Variants in CNTNAP2 observed in about 807,000 individuals in gnomAD.
CNTNAP2 encodes contactin associated protein 2, also known as contactin-associated protein-like 2.
A neutral mutation model predicts 155.2 loss-of-function variants in CNTNAP2; 98 were observed. The observed-to-expected ratio is 0.63, with a 90% CI of 0.54 to 0.75. The LOEUF (loss-of-function observed/expected upper bound fraction) is 0.75. CNTNAP2 is among the 30% of genes least tolerant of loss of function. The pLI is 0.00. For missense variants in CNTNAP2, 1,727 were observed against 1,688.1 expected, an observed-to-expected ratio of 1.02 and a Z score of -0.40; for synonymous variants, 651 against 631.2, an observed-to-expected ratio of 1.03 and a Z score of -0.47.
chr7:148,322,677 T>C (rs1797814514), intron 21 of CNTNAP2, among the ~76,000 whole-genome samples: 1 of 152,180 alleles, frequency 6.6e-6, no homozygotes, highest in South Asian at 2.1e-4. Context: ...AATCTGGTTA[T>C]ATATCAGTTT....
chr7:146,343,153 G>C (rs1188287036), intron 1 of CNTNAP2, among the ~76,000 whole-genome samples: 1 of 151,688 alleles, frequency 6.6e-6, no homozygotes, highest in Non-Finnish European at 1.5e-5. Flanking sequence ...TTCTCTAATA[G>C]ATTATTTCTT....
chr7:147,011,251 T>TA (rs2129243734), intron 3 of CNTNAP2, among the ~76,000 whole-genome samples: 1 of 151,590 alleles, frequency 6.6e-6, no homozygotes, highest in East Asian at 2.0e-4. Context: ...CCGTCTCTAC[T>TA]AAAAATACAA....
intron 3 of CNTNAP2, among the ~76,000 whole-genome samples, chr7:146,894,072 C>G (rs1276814717): frequency 6.6e-6 from 1 of 152,174 alleles, no homozygotes; most frequent in Non-Finnish European, 1.5e-5. Flanking sequence ...GCAGAGGTGT[C>G]GAGCCACCTG....
At chr7:146,787,973 A>G (rs1424287882) in intron 2 of CNTNAP2, among the ~76,000 whole-genome samples, 1 of 152,218 alleles carries the variant, frequency 6.6e-6, no homozygotes, top group Non-Finnish European at 1.5e-5. Context: ...TTAGCTAGAC[A>G]CAGAGGGCTG....
intron 1 of CNTNAP2, among the ~76,000 whole-genome samples, chr7:146,322,634 C>CTTTTTTTTTTTT (rs56287346): frequency 0.052 from 3,385 of 64,840 alleles, 549 homozygotes; most frequent in Middle Eastern, 0.11. Context: ...TGTTCATTCT[C>CTTTTTTTTTTTT]TTTTTTTTTT....
chr7:146,313,183 A>G (rs2129091080), intron 1 of CNTNAP2, among the ~76,000 whole-genome samples: 1 of 152,322 alleles, frequency 6.6e-6, no homozygotes, highest in South Asian at 2.1e-4. Context: ...AACAATGTAC[A>G]AGGGTTACCT....
At chr7:147,333,655 T>G (rs1795615287) in intron 9 of CNTNAP2, among the ~76,000 whole-genome samples, 1 of 152,196 alleles carries the variant, frequency 6.6e-6, no homozygotes, top group Admixed American at 6.5e-5. Flanking sequence ...GTTTTCATAT[T>G]TTTAATAATC....
rs992342920 is a variant in CNTNAP2, at chr7:146,677,510, G to C, written c.98-96761G>C. Among the ~76,000 whole-genome samples the C allele has an allele frequency of 4.6e-5, 7 of 152,252 alleles. No homozygotes were observed. In the East Asian group the frequency reaches 9.7e-4, roughly 21 times the overall value. On this transcript the variant is annotated intron_variant, in intron 1 of 23. Coordinates refer to ENST00000361727, the MANE Select transcript of CNTNAP2 (RefSeq NM_014141.6). The stretch of plus-strand genomic sequence containing the variant: ...GGAATGCCCTTGGCTGAGAAGAGGG[G>C]TCTATTCAGATGACTGGGGGCCTTA...
intron 1 of CNTNAP2, among the ~76,000 whole-genome samples, chr7:146,475,653 G>T (rs752542340): frequency 6.6e-6 from 1 of 152,064 alleles, no homozygotes; most frequent in African/African-American, 2.4e-5. Context: ...GAAAATCAGT[G>T]GGAAACAGTT....
chr7:147,412,434 G>A (rs546065455), intron 10 of CNTNAP2, among the ~76,000 whole-genome samples: 1 of 152,196 alleles, frequency 6.6e-6, no homozygotes, highest in Non-Finnish European at 1.5e-5. Flanking sequence ...CATTAGGGGA[G>A]CCATCTCAGG....
intron 1 of CNTNAP2, among the ~76,000 whole-genome samples, chr7:146,761,800 A>G (rs1802106111): frequency 6.7e-6 from 1 of 150,038 alleles, no homozygotes; most frequent in Non-Finnish European, 1.5e-5. Flanking sequence ...TCTCTAGAAG[A>G]CAAGCCTTCT....
At chr7:146,248,721 G>A (rs1341976973) in intron 1 of CNTNAP2, among the ~76,000 whole-genome samples, 1 of 152,150 alleles carries the variant, frequency 6.6e-6, no homozygotes, top group Non-Finnish European at 1.5e-5. Context: ...AGGACCTGAG[G>A]TCGTACGTGG....
chr7:146,876,300 C>G (rs574175862), intron 3 of CNTNAP2, among the ~76,000 whole-genome samples: 1 of 152,140 alleles, frequency 6.6e-6, no homozygotes, highest in Non-Finnish European at 1.5e-5. Context: ...GCTGCCAAGT[C>G]CCCCAGGGCA....
intron 13 of CNTNAP2, among the ~76,000 whole-genome samples, chr7:147,802,987 T>C (rs1346162051): frequency 6.6e-6 from 1 of 151,952 alleles, no homozygotes; most frequent in Non-Finnish European, 1.5e-5. Flanking sequence ...AAATGAAACC[T>C]AATAAACAGA....
intron 13 of CNTNAP2, among the ~76,000 whole-genome samples, chr7:147,759,457 C>T (rs1797266079): frequency 6.6e-6 from 1 of 152,154 alleles, no homozygotes; most frequent in African/African-American, 2.4e-5. Context: ...TGACTTTCTA[C>T]CAAAATCCAT....
At chr7:148,353,222 TC>T (rs901177375) in intron 21 of CNTNAP2, among the ~76,000 whole-genome samples, 1 of 152,082 alleles carries the variant, frequency 6.6e-6, no homozygotes, top group Non-Finnish European at 1.5e-5. Context: ...ACTGAAGTGT[TC>T]CCCCTCAGAA....
intron 1 of CNTNAP2, among the ~76,000 whole-genome samples, chr7:146,154,680 C>T (rs1379908629): frequency 1.3e-5 from 2 of 152,180 alleles, no homozygotes; most frequent in Non-Finnish European, 2.9e-5. Flanking sequence ...GAGCAGGCAA[C>T]TGGCAGAGTA....
intron 1 of CNTNAP2, among the ~76,000 whole-genome samples, chr7:146,238,920 A>C (rs1397967792): frequency 6.6e-6 from 1 of 152,194 alleles, no homozygotes; most frequent in African/African-American, 2.4e-5. Flanking sequence ...GCATGGGGGA[A>C]ACCACGCCCA....
chr7:148,293,757 G>A lies in CNTNAP2; in HGVS notation c.3475+26631G>A, dbSNP rs556859285. Among the ~76,000 whole-genome samples, 30 of 152,066 alleles carry A rather than the reference G, an allele frequency of 2.0e-4. No homozygotes were observed. The East Asian group carries it at 5.0e-3, about 26-fold the overall frequency. Reference sequence around the variant, plus strand: ...TTCAGCTTTAGAATCCAAAACCCCCGGGCACAGTGGCTCACATCTGTAATC... The same window carrying A: ...TTCAGCTTTAGAATCCAAAACCCCCAGGCACAGTGGCTCACATCTGTAATC... On this transcript the variant is annotated intron_variant, in intron 21 of 23. Coordinates refer to ENST00000361727, the MANE Select transcript of CNTNAP2 (RefSeq NM_014141.6).
Sources: allele counts gnomAD v4.1 joint callset (sites outside exome capture counted in the v4.1 genomes callset), GRCh38; gene constraint gnomAD v4.1.1; transcripts MANE v1.5; gene names NCBI Gene and HGNC (gene_info 2026-07-23, HGNC 2026-07-21).